Variants in ANXA8 observed in about 807,000 individuals in gnomAD.
ANXA8 encodes the protein VAC-beta.
ANXA8 carries 9 observed loss-of-function variants against 26.8 expected under a neutral mutation model. That is an observed-to-expected ratio of 0.34 (90% CI 0.20 to 0.59). ANXA8 has a LOEUF of 0.59. ANXA8 is among the 20% of genes least tolerant of loss of function. The pLI is 0.84. For synonymous variants in ANXA8, 39 were observed against 94.8 expected (o/e 0.41, Z 3.42); for missense variants, 83 against 238.5 (o/e 0.35, Z 4.29).
chr10:47,516,676 A>G, the ANXA8 span, among the ~76,000 whole-genome samples: 3 of 135,848 alleles, frequency 2.2e-5, no homozygotes, highest in Non-Finnish European at 4.6e-5. Context: ...ATATTGAACT[A>G]GGATGACAAA....
At chr10:47,981,179 T>C in the ANXA8 span, among the ~76,000 whole-genome samples, 1 of 151,608 alleles carries the variant, frequency 6.6e-6, no homozygotes, top group African/African-American at 2.4e-5. Flanking sequence ...ATACACCACA[T>C]TAATAAAATG....
chr10:47,918,431 A>AG, the ANXA8 span, among the ~76,000 whole-genome samples: 17 of 31,090 alleles, frequency 5.5e-4, no homozygotes, highest in East Asian at 6.4e-3. Context: ...GAAAGAAAGA[A>AG]AGAGAGAGAG....
the ANXA8 span, among the ~76,000 whole-genome samples, chr10:47,595,216 G>A: frequency 1.3e-5 from 2 of 148,530 alleles, no homozygotes; most frequent in Non-Finnish European, 2.9e-5. Context: ...CAAGCAATCG[G>A]TAAGGGAATT....
At chr10:47,553,070 G>T in the ANXA8 span, among the ~76,000 whole-genome samples, 1 of 151,948 alleles carries the variant, frequency 6.6e-6, no homozygotes, top group Non-Finnish European at 1.5e-5. Flanking sequence ...CACTAGGAAC[G>T]CTTTGAAACT....
chr10:47,987,824 A>C, the ANXA8 span, among the ~76,000 whole-genome samples: 1 of 117,292 alleles, frequency 8.5e-6, no homozygotes, highest in Non-Finnish European at 1.8e-5. Flanking sequence ...CCAGGAAACT[A>C]ACCCAGGACC....
At chr10:47,980,519 C>T in the ANXA8 span, among the ~76,000 whole-genome samples, 7 of 151,694 alleles carry the variant, frequency 4.6e-5, no homozygotes, top group African/African-American at 1.2e-4. Context: ...AAACCTTTAG[C>T]TTGACTGAGA....
chr10:47,675,218 T>C, the ANXA8 span, among the ~76,000 whole-genome samples: 1 of 145,960 alleles, frequency 6.9e-6, no homozygotes, highest in Non-Finnish European at 1.5e-5. Flanking sequence ...TATCCATCCG[T>C]ATCTAATTAA....
chr10:47,671,831 AT>A, the ANXA8 span, among the ~76,000 whole-genome samples: 3 of 151,976 alleles, frequency 2.0e-5, no homozygotes, highest in African/African-American at 4.8e-5. Context: ...ATGGAAAAAA[AT>A]AATTTTTAAT....
At chr10:47,496,109 CAG>C in the ANXA8 span, 1 of 151,566 alleles carries the variant, frequency 6.6e-6, no homozygotes, top group African/African-American at 2.4e-5. Context: ...GGCAGTGGTA[CAG>C]AGGTGAGGCT....
the ANXA8 span, among the ~76,000 whole-genome samples, chr10:47,715,458 T>A: frequency 0.17 from 15,604 of 90,572 alleles, 12 homozygotes; most frequent in East Asian, 0.36. Flanking sequence ...AAAAAAAAAA[T>A]AATAATAATA....
At chr10:47,497,893 G>A in the ANXA8 span, among the ~76,000 whole-genome samples, 4 of 151,534 alleles carry the variant, frequency 2.6e-5, no homozygotes, top group Admixed American at 6.6e-5. Flanking sequence ...GAGCCGAGAC[G>A]GCGCCATTGC....
chr10:47,733,239 CTTTCTTTCTTTCTT>C, the ANXA8 span, among the ~76,000 whole-genome samples: 9 of 60,078 alleles, frequency 1.5e-4, no homozygotes, highest in Admixed American at 5.6e-4. Flanking sequence ...TTCTCTCTTT[CTTTCTTTCTTTCTT>C]TCTTTCTTTC....
chr10:47,894,631 A>G, the ANXA8 span, among the ~76,000 whole-genome samples: 1,979 of 146,934 alleles, frequency 0.013, no homozygotes, highest in African/African-American at 0.048. Flanking sequence ...CACACCACAC[A>G]CTACACACAC....
the ANXA8 span, among the ~76,000 whole-genome samples, chr10:47,514,344 T>A: frequency 6.8e-6 from 1 of 146,360 alleles, no homozygotes; most frequent in Non-Finnish European, 1.5e-5. Context: ...AAGACTATTA[T>A]TCTAAGTGAA....
At chr10:47,777,840 T>A in the ANXA8 span, among the ~76,000 whole-genome samples, 13 of 151,990 alleles carry the variant, frequency 8.6e-5, 1 homozygote, top group East Asian at 1.4e-3. Context: ...GCTGGACTCG[T>A]GTGCCTGGGG....
At chr10:47,705,917 C>T in the ANXA8 span, among the ~76,000 whole-genome samples, 1 of 149,996 alleles carries the variant, frequency 6.7e-6, no homozygotes, top group African/African-American at 2.4e-5. Context: ...CCCGACGCAC[C>T]CCCCGCGTAT....
the ANXA8 span, chr10:47,549,223 T>G: frequency 2.6e-6 from 3 of 1,138,332 alleles, no homozygotes; most frequent in Non-Finnish European, 3.9e-6. Context: ...CACAAAACTC[T>G]CTTCCCTTCA....
At chr10:47,633,856 AGT>A in the ANXA8 span, among the ~76,000 whole-genome samples, 1 of 148,314 alleles carries the variant, frequency 6.7e-6, no homozygotes, top group East Asian at 2.0e-4. Flanking sequence ...TTTTTCACCC[AGT>A]TAATGTAGCT....
At chr10:47,556,026 G>C in the ANXA8 span, among the ~76,000 whole-genome samples, 1 of 151,940 alleles carries the variant, frequency 6.6e-6, no homozygotes, top group African/African-American at 2.4e-5. Flanking sequence ...TTACAGGATG[G>C]AGAGAAGAGG....
Sources: gnomAD v4.1 joint callset for allele counts (sites outside exome capture counted in the v4.1 genomes callset) on GRCh38, gnomAD v4.1.1 for gene constraint, MANE v1.5 for transcripts, NCBI Gene and HGNC (gene_info 2026-07-23, HGNC 2026-07-21) for gene names.